ACYP2: variants seen among roughly 807,000 people sequenced by gnomAD.
ACYP2 encodes the protein acylphosphatase-2.
A neutral mutation model predicts 11.2 loss-of-function variants in ACYP2; 12 were observed. The observed-to-expected ratio is 1.08, with a 90% CI of 0.69 to 1.74. ACYP2 has a LOEUF of 1.74. Among genes scored for constraint, ACYP2 ranks in the 40% most tolerant of loss-of-function variants. The pLI is 0.00. For missense variants in ACYP2, 134 were observed against 101.9 expected (o/e 1.31, Z -1.35); for synonymous variants, 43 against 32.2 (o/e 1.33, Z -1.13).
chr2:54,253,340 C>CA (rs1428912851), intron 6 of ACYP2: 3 of 151,718 alleles, frequency 2.0e-5, no homozygotes, highest in African/African-American at 2.4e-5. Flanking sequence ...ACATAATGTA[C>CA]AAAAAAGAAA....
At chr2:54,270,900 T>C (rs1688268086) in intron 6 of ACYP2, among the ~76,000 whole-genome samples, 1 of 152,254 alleles carries the variant, frequency 6.6e-6, no homozygotes, top group African/African-American at 2.4e-5. Context: ...GTATAATATA[T>C]ATCTAAATCT....
At chr2:54,291,657 A>G (rs1689311361) in intron 6 of ACYP2, among the ~76,000 whole-genome samples, 1 of 152,222 alleles carries the variant, frequency 6.6e-6, no homozygotes, top group Admixed American at 6.5e-5. Context: ...AGAAAGAGGC[A>G]GCAGTGCCTG....
intron 2 of ACYP2, among the ~76,000 whole-genome samples, chr2:54,004,240 G>A (rs1672943031): frequency 6.6e-6 from 1 of 151,970 alleles, no homozygotes; most frequent in African/African-American, 2.4e-5. Flanking sequence ...GCCCACCTCG[G>A]CCTCCCAAAG....
intron 6 of ACYP2, among the ~76,000 whole-genome samples, chr2:54,196,867 TAA>T (rs1215708757): frequency 1.3e-5 from 2 of 152,238 alleles, no homozygotes; most frequent in Non-Finnish European, 2.9e-5. Flanking sequence ...CATGGTAGAT[TAA>T]GTGTTGCTTG....
chr2:54,198,330 A>T (rs1684603550), intron 6 of ACYP2, among the ~76,000 whole-genome samples: 1 of 152,046 alleles, frequency 6.6e-6, no homozygotes, highest in African/African-American at 2.4e-5. Flanking sequence ...TTATGATTTT[A>T]AAAAGAACAC....
chr2:54,276,193 A>T (rs1688556699), intron 6 of ACYP2, among the ~76,000 whole-genome samples: 1 of 123,090 alleles, frequency 8.1e-6, no homozygotes, highest in African/African-American at 2.5e-5. Flanking sequence ...TCTTTACAGA[A>T]AAAGTAAAAG....
intron 2 of ACYP2, among the ~76,000 whole-genome samples, chr2:53,998,819 G>GA (rs1672682489): frequency 1.3e-5 from 2 of 151,974 alleles, no homozygotes; most frequent in South Asian, 2.1e-4. Flanking sequence ...AAAAAGAAAA[G>GA]AAAAAAATTT....
At position 54,141,359 on chromosome 2, in the gene ACYP2, C is replaced by T. The variant is rs544091934; in HGVS notation, c.404+2611C>T. On this transcript the variant is annotated intron_variant, in intron 6 of 6. Transcript: ENST00000607452. ...TTAAGAAACAGATTGTAAGTGTTGT[C>T]GCCCAGGTTTTCTTCTAACTTGATG... Among the ~76,000 whole-genome samples the T allele has an allele frequency of 9.2e-5, 14 of 152,144 alleles. No homozygotes were observed. The South Asian group carries it at 1.2e-3, about 14-fold the overall frequency.
chr2:54,276,316 G>C (rs1688567984), intron 6 of ACYP2, among the ~76,000 whole-genome samples: 1 of 152,032 alleles, frequency 6.6e-6, no homozygotes, highest in Admixed American at 6.6e-5. Flanking sequence ...TGTTAGTGTA[G>C]GTATTTCAGA....
At chr2:54,152,375 C>T (rs1682220190) in intron 6 of ACYP2, among the ~76,000 whole-genome samples, 1 of 152,084 alleles carries the variant, frequency 6.6e-6, no homozygotes, top group African/African-American at 2.4e-5. Context: ...CTTCTCACCT[C>T]AGCTTCCCAA....
intron 6 of ACYP2, among the ~76,000 whole-genome samples, chr2:54,214,575 C>G (rs898904928): frequency 6.6e-6 from 1 of 152,160 alleles, no homozygotes; most frequent in Non-Finnish European, 1.5e-5. Context: ...TTTCTGGGTT[C>G]TCTAATCTGT....
At chr2:53,974,318 A>T (rs1031147454) in intron 2 of ACYP2, among the ~76,000 whole-genome samples, 4 of 152,194 alleles carry the variant, frequency 2.6e-5, no homozygotes, top group African/African-American at 9.7e-5. Context: ...GGAGTCATTG[A>T]CCTTTAGAAG....
intron 6 of ACYP2, among the ~76,000 whole-genome samples, chr2:54,221,534 T>TTC (rs1685801654): frequency 6.7e-6 from 1 of 150,218 alleles, no homozygotes; most frequent in African/African-American, 2.4e-5. Flanking sequence ...TTTTTTTTTT[T>TTC]TTTTTAAACA....
intron 6 of ACYP2, among the ~76,000 whole-genome samples, chr2:54,248,556 C>T (rs1450362266): frequency 2.0e-5 from 3 of 151,970 alleles, no homozygotes; most frequent in Admixed American, 6.6e-5. Context: ...GGAAGCCTTC[C>T]CTAAACTTCA....
intron 6 of ACYP2, among the ~76,000 whole-genome samples, chr2:54,195,310 G>A (rs1361000001): frequency 1.3e-5 from 2 of 152,152 alleles, no homozygotes; most frequent in Non-Finnish European, 2.9e-5. Context: ...TTTGTTGCTA[G>A]TGATAATTAA....
chr2:54,041,310 A>G (rs1446917585), intron 2 of ACYP2, among the ~76,000 whole-genome samples: 1 of 152,080 alleles, frequency 6.6e-6, no homozygotes, highest in African/African-American at 2.4e-5. Flanking sequence ...AGCCCAGAAT[A>G]TGGGCATGAT....
At chr2:54,281,511 G>A (rs567454921) in intron 6 of ACYP2, among the ~76,000 whole-genome samples, 49 of 152,256 alleles carry the variant, frequency 3.2e-4, no homozygotes, top group Non-Finnish European at 4.7e-4. Context: ...GATTTCAGTC[G>A]AGTAAGACTT....
intron 2 of ACYP2, among the ~76,000 whole-genome samples, chr2:53,979,787 C>T (rs1558449269): frequency 6.6e-6 from 1 of 151,822 alleles, no homozygotes; most frequent in East Asian, 2.0e-4. Flanking sequence ...CTGCTACCTC[C>T]ACCTCAAGGG....
chr2:54,157,240 C>A (rs935663638), intron 6 of ACYP2, among the ~76,000 whole-genome samples: 1 of 151,674 alleles, frequency 6.6e-6, no homozygotes, highest in Non-Finnish European at 1.5e-5. Flanking sequence ...TAATATAATC[C>A]CTTATTATTT....
Sources: allele counts gnomAD v4.1 joint callset (sites outside exome capture counted in the v4.1 genomes callset), GRCh38; gene constraint gnomAD v4.1.1; transcripts MANE v1.5; gene names NCBI Gene and HGNC (gene_info 2026-07-23, HGNC 2026-07-21).